The following LARGE1 variants were observed in gnomAD, a reference collection of about 807,000 sequenced individuals.
LARGE1 encodes xylosyl- and glucuronyltransferase LARGE1.
A neutral mutation model predicts 87.6 loss-of-function variants in LARGE1; 43 were observed. That is an observed-to-expected ratio of 0.49 (90% confidence interval 0.38 to 0.63). The LOEUF (loss-of-function observed/expected upper bound fraction) is 0.63, where lower values mean the gene tolerates loss of function less well. Ranked by LOEUF, LARGE1 falls within the 30% of genes least tolerant of loss-of-function variation. LARGE1 has a pLI of 0.00. For synonymous variants in LARGE1, 434 were observed against 394.6 expected, an observed-to-expected ratio of 1.10 and a Z score of -1.18; for missense variants, 802 against 1,000.2, an observed-to-expected ratio of 0.80 and a Z score of 2.67.
chr22:33,444,616 G>A (rs537931947), intron 6 of LARGE1, among the ~76,000 whole-genome samples: 1 of 152,318 alleles, frequency 6.6e-6, no homozygotes, highest in South Asian at 2.1e-4. Context: ...GAATGTGGAT[G>A]AAATTCAAGC....
At chr22:33,694,657 T>C (rs183544547) in intron 2 of LARGE1, among the ~76,000 whole-genome samples, 41 of 152,250 alleles carry the variant, frequency 2.7e-4, no homozygotes, top group Admixed American at 1.3e-3. Context: ...CATGACCAAA[T>C]TGATTTAGGT....
chr22:33,210,550 C>T (rs1602097185), intron 11 of LARGE1, among the ~76,000 whole-genome samples: 1 of 152,360 alleles, frequency 6.6e-6, no homozygotes, highest in East Asian at 1.9e-4. Flanking sequence ...AGCCTTCATG[C>T]TGTTTTGCCT....
intron 1 of LARGE1, among the ~76,000 whole-genome samples, chr22:33,843,824 C>T (rs917754404): frequency 2.0e-5 from 3 of 152,022 alleles, no homozygotes; most frequent in African/African-American, 7.2e-5. Flanking sequence ...TTACTCATCT[C>T]CTTTCTTTCC....
intron 11 of LARGE1, among the ~76,000 whole-genome samples, chr22:33,231,236 G>A (rs1198537260): frequency 6.6e-6 from 1 of 152,162 alleles, no homozygotes; most frequent in African/African-American, 2.4e-5. Context: ...TGCAAGCCAC[G>A]TGCCCTCAAC....
At chr22:33,232,675 T>C (rs1385232790) in intron 11 of LARGE1, among the ~76,000 whole-genome samples, 1 of 152,182 alleles carries the variant, frequency 6.6e-6, no homozygotes, top group African/African-American at 2.4e-5. Context: ...TAAATGATGG[T>C]CTCACTGGAG....
chr22:33,523,586 C>T (rs907001619), intron 6 of LARGE1, among the ~76,000 whole-genome samples: 8 of 152,154 alleles, frequency 5.3e-5, no homozygotes, highest in Non-Finnish European at 2.9e-5. Context: ...AGTGTGGTTG[C>T]CCTGTTTTAA....
chr22:33,912,034 C>T (rs936965731), intron 1 of LARGE1, among the ~76,000 whole-genome samples: 2 of 152,222 alleles, frequency 1.3e-5, no homozygotes, highest in African/African-American at 4.8e-5. Context: ...CTACTAAGCA[C>T]CAGCACCACT....
rs1938000062 is a variant in LARGE1, at chr22:33,333,381, T to C, written c.1287+4265A>G. 2.0e-5 allele frequency among the ~76,000 whole-genome samples: 3 copies of C among 152,196 alleles called. 1 individual carries two copies. The highest frequency in any genetic ancestry group is 7.2e-5 in the African/African-American group (3 of 41,506). ...TTTTCATTTCATCCTCTACCTTGAG[T>C]GATTTTTCTCTAATATAAATCTGCC... On this transcript the variant is annotated intron_variant, in intron 10 of 14. Coordinates refer to ENST00000397394, the MANE Select transcript of LARGE1 (RefSeq NM_133642.5).
intron 12 of LARGE1, 40 bp downstream of exon 12, chr22:33,304,189 T>G (rs948197321): frequency 6.2e-7 from 1 of 1,611,492 alleles, no homozygotes; most frequent in African/African-American, 1.3e-5. Flanking sequence ...TGGCCCTATG[T>G]GCCTTCTGGC....
chr22:33,597,047 T>A (rs552431123), intron 5 of LARGE1, among the ~76,000 whole-genome samples: 1 of 152,292 alleles, frequency 6.6e-6, no homozygotes, highest in African/African-American at 2.4e-5. Flanking sequence ...TATCTATGTC[T>A]TCTCTCTTTC....
chr22:33,655,888 G>A (rs957640801), intron 2 of LARGE1, among the ~76,000 whole-genome samples: 7 of 152,216 alleles, frequency 4.6e-5, no homozygotes, highest in Admixed American at 2.6e-4. Context: ...AGAGAACTGA[G>A]AAAAGCAAAC....
At chr22:33,279,050 C>T (rs576456102) in intron 13 of LARGE1, among the ~76,000 whole-genome samples, 1 of 152,148 alleles carries the variant, frequency 6.6e-6, no homozygotes, top group East Asian at 1.9e-4. Flanking sequence ...CTGTCCCCCA[C>T]ACTTCCTGGC....
At chr22:33,804,866 G>A (rs1219907415) in intron 1 of LARGE1, among the ~76,000 whole-genome samples, 1 of 152,126 alleles carries the variant, frequency 6.6e-6, no homozygotes, top group Non-Finnish European at 1.5e-5. Context: ...GCTTTCAATG[G>A]CCTGCAAAGG....
At chr22:33,198,199 A>G (rs756017273) in intron 11 of LARGE1, among the ~76,000 whole-genome samples, 1 of 152,186 alleles carries the variant, frequency 6.6e-6, no homozygotes, top group Non-Finnish European at 1.5e-5. Flanking sequence ...TAAAAATATA[A>G]CAAGTACAAC....
intron 11 of LARGE1, among the ~76,000 whole-genome samples, chr22:33,173,320 C>G (rs1015784403): frequency 6.6e-6 from 1 of 152,130 alleles, no homozygotes; most frequent in African/African-American, 2.4e-5. Flanking sequence ...ATTGTCACCA[C>G]CAAGCCTGCC....
intron 1 of LARGE1, among the ~76,000 whole-genome samples, chr22:33,851,076 A>C: frequency 6.6e-6 from 1 of 152,200 alleles, no homozygotes; most frequent in Non-Finnish European, 1.5e-5. Context: ...AATTCTCTCC[A>C]CAATTAGAGC....
At chr22:33,239,378 G>C (rs889838476) in intron 11 of LARGE1, among the ~76,000 whole-genome samples, 11 of 151,740 alleles carry the variant, frequency 7.2e-5, no homozygotes, top group African/African-American at 2.2e-4. Flanking sequence ...ACAGATTTTT[G>C]TTGTTGTTGT....
At chr22:33,398,469 T>C (rs1183861695) in intron 7 of LARGE1, among the ~76,000 whole-genome samples, 1 of 152,190 alleles carries the variant, frequency 6.6e-6, no homozygotes, top group Non-Finnish European at 1.5e-5. Context: ...CTTTCCTTAG[T>C]CTGTTTAGAC....
chr22:33,144,933 A>T, the LARGE1 span, among the ~76,000 whole-genome samples: 1 of 152,112 alleles, frequency 6.6e-6, no homozygotes, highest in African/African-American at 2.4e-5. Context: ...TACAGTTGGC[A>T]TGTGTTTGAG....
Sources: gnomAD v4.1 joint callset for allele counts (sites outside exome capture counted in the v4.1 genomes callset) on GRCh38, gnomAD v4.1.1 for gene constraint, MANE v1.5 for transcripts, NCBI Gene and HGNC (gene_info 2026-07-23, HGNC 2026-07-21) for gene names.